The following MCC variants were observed in gnomAD, a reference collection of about 807,000 sequenced individuals.
MCC encodes the protein MCC regulator of Wnt signaling pathway.
MCC carries 90 observed loss-of-function variants against 116.2 expected under a neutral mutation model. The observed-to-expected ratio is 0.77, with a 90% CI of 0.65 to 0.92. The LOEUF (loss-of-function observed/expected upper bound fraction) is 0.92. Ranked by LOEUF, MCC falls within the 40% of genes least tolerant of loss-of-function variation. The pLI is 0.00. For synonymous variants in MCC, 578 were observed against 510.5 expected, an observed-to-expected ratio of 1.13 and a Z score of -1.78; for missense variants, 1,516 against 1,312.2, an observed-to-expected ratio of 1.16 and a Z score of -2.40.
chr5:113,027,153 T>C lies in MCC; in HGVS notation c.*149A>G. 1 of 733,430 alleles carries C rather than the reference T, an allele frequency of 1.4e-6. No homozygotes were observed. 45.4% of individuals were successfully genotyped at this position (733,430 alleles called of 1,614,324 possible). ...TCACCATGGCCAGTCGCCCCAAGGGTTGAGTTGGGGCACTCCATTGTCCAA... is the reference window on the plus strand; with the variant it reads ...TCACCATGGCCAGTCGCCCCAAGGGCTGAGTTGGGGCACTCCATTGTCCAA... On this transcript the variant is annotated 3_prime_UTR_variant, in exon 19 of 19. Coordinates refer to ENST00000408903, the MANE Select transcript of MCC (RefSeq NM_001085377.2).
At chr5:113,042,485 A>C (rs1751783072) in intron 17 of MCC, among the ~76,000 whole-genome samples, 1 of 151,104 alleles carries the variant, frequency 6.6e-6, no homozygotes, top group Admixed American at 6.6e-5. Context: ...AAAAAAAAAA[A>C]AAAAAAAAAA....
intron 12 of MCC, 110 bp downstream of exon 12, chr5:113,070,984 C>G: frequency 7.7e-7 from 1 of 1,303,698 alleles, no homozygotes; most frequent in Non-Finnish European, 1.1e-6. Flanking sequence ...TGCCTTGGTC[C>G]AAACTGCCAG....
chr5:113,182,867 T>G (rs1351990987), intron 3 of MCC, among the ~76,000 whole-genome samples: 1 of 152,242 alleles, frequency 6.6e-6, no homozygotes, highest in Non-Finnish European at 1.5e-5. Flanking sequence ...ATAGCCACGC[T>G]GTCACAGGAG....
At chr5:113,211,835 AC>A (rs1314686416) in intron 3 of MCC, among the ~76,000 whole-genome samples, 1 of 152,238 alleles carries the variant, frequency 6.6e-6, no homozygotes, top group Admixed American at 6.5e-5. Flanking sequence ...TTTATTAGAA[AC>A]AAACATGAAA....
intron 1 of MCC, among the ~76,000 whole-genome samples, chr5:113,472,305 T>C (rs1772116941): frequency 6.6e-6 from 1 of 152,174 alleles, no homozygotes; most frequent in Non-Finnish European, 1.5e-5. Flanking sequence ...ATCTTCTGTG[T>C]GGCCATTCTG....
intron 5 of MCC, among the ~76,000 whole-genome samples, chr5:113,142,197 C>T (rs1759219824): frequency 6.6e-6 from 1 of 152,030 alleles, no homozygotes; most frequent in Admixed American, 6.6e-5. Context: ...AAAATGCATC[C>T]AAAGTTTCCT....
chr5:113,168,920 T>C (rs537212892), intron 3 of MCC, among the ~76,000 whole-genome samples: 2 of 152,242 alleles, frequency 1.3e-5, no homozygotes, highest in African/African-American at 4.8e-5. Context: ...TCAGCCCCCA[T>C]GATATCCACC....
intron 1 of MCC, among the ~76,000 whole-genome samples, chr5:113,465,884 C>T (rs1380866516): frequency 6.6e-6 from 1 of 151,886 alleles, no homozygotes; most frequent in East Asian, 1.9e-4. Flanking sequence ...AAAATGGGCA[C>T]TCTTATAGAC....
At chr5:113,088,302 T>A (rs1285862456) in intron 8 of MCC, among the ~76,000 whole-genome samples, 1 of 152,010 alleles carries the variant, frequency 6.6e-6, no homozygotes, top group Non-Finnish European at 1.5e-5. Flanking sequence ...AAACTAAGGC[T>A]AAAGCCAATA....
chr5:113,053,875 G>A lies in MCC; in HGVS notation c.2298C>T (p.Leu766=). 1 of 1,614,046 alleles carries A rather than the reference G, an allele frequency of 6.2e-7. No homozygotes were observed. The highest frequency in any genetic ancestry group is 8.5e-7 in the Non-Finnish European group (1 of 1,180,016). ...GCTTGACCGCAGCCCTGTCATTCTT[G>A]AGCTGCTGGATATAATCCTTCAGCC... The part of the protein sequence containing the change: ...EQRLKDYIQQ[L]KNDRAAVKLT... The change falls in exon 15 of 19, where the codon CTC becomes CTT. Residue 766 remains leucine (L), a synonymous_variant. Coordinates refer to ENST00000408903, the MANE Select transcript of MCC (RefSeq NM_001085377.2).
At chr5:113,066,383 T>C (rs1249694796) in intron 13 of MCC, among the ~76,000 whole-genome samples, 1 of 152,188 alleles carries the variant, frequency 6.6e-6, no homozygotes, top group African/African-American at 2.4e-5. Flanking sequence ...CTGTTTCATA[T>C]GAGAAATAAA....
At chr5:113,333,002 G>A (rs1484570737) in intron 3 of MCC, among the ~76,000 whole-genome samples, 1 of 151,550 alleles carries the variant, frequency 6.6e-6, no homozygotes, top group Non-Finnish European at 1.5e-5. Context: ...CTCAATAAGA[G>A]GGAGAATAAT....
chr5:113,091,456 T>C (rs1241406948), intron 8 of MCC, among the ~76,000 whole-genome samples: 2 of 152,144 alleles, frequency 1.3e-5, no homozygotes, highest in East Asian at 3.8e-4. Context: ...GAATTCACCC[T>C]AGGGGAAATG....
chr5:113,094,717 G>T (rs189810698), intron 8 of MCC, among the ~76,000 whole-genome samples: 2 of 152,284 alleles, frequency 1.3e-5, no homozygotes, highest in East Asian at 3.9e-4. Flanking sequence ...ACCGCTCCCG[G>T]CCAATGTTCC....
At chr5:113,451,226 A>ACTTT (rs1771383997) in intron 1 of MCC, among the ~76,000 whole-genome samples, 1 of 152,160 alleles carries the variant, frequency 6.6e-6, no homozygotes, top group Non-Finnish European at 1.5e-5. Flanking sequence ...AGCCCACTAC[A>ACTTT]CTAGAAAGCT....
At chr5:113,332,267 C>T (rs1007715705) in intron 3 of MCC, among the ~76,000 whole-genome samples, 4 of 151,518 alleles carry the variant, frequency 2.6e-5, no homozygotes, top group Non-Finnish European at 5.9e-5. Flanking sequence ...CAGCCTCCAA[C>T]TTCTGGCCTT....
chr5:113,068,002 T>C, intron 13 of MCC, 78 bp downstream of exon 13: 1 of 1,249,298 alleles, frequency 8.0e-7, no homozygotes, highest in Non-Finnish European at 1.2e-6. Context: ...GATGATTCAA[T>C]GCCAGTTGCT....
intron 1 of MCC, among the ~76,000 whole-genome samples, chr5:113,438,871 A>G (rs548420882): frequency 1.3e-5 from 2 of 152,330 alleles, no homozygotes; most frequent in East Asian, 3.9e-4. Context: ...TAGATTTTTT[A>G]AAGTACTGAT....
chr5:113,252,146 T>A (rs941366694), intron 3 of MCC, among the ~76,000 whole-genome samples: 4 of 152,128 alleles, frequency 2.6e-5, no homozygotes, highest in Non-Finnish European at 5.9e-5. Context: ...TACTTCTTAG[T>A]GGAATTATCT....
Sources: allele counts gnomAD v4.1 joint callset (sites outside exome capture counted in the v4.1 genomes callset), GRCh38; gene constraint gnomAD v4.1.1; transcripts MANE v1.5; gene names NCBI Gene and HGNC (gene_info 2026-07-23, HGNC 2026-07-21).